The following SPADH variants were observed in gnomAD, a reference collection of about 807,000 sequenced individuals.
The protein encoded by SPADH is CUB domain-containing protein.
the SPADH span, chr10:122,672,964 G>T: frequency 2.0e-6 from 2 of 982,178 alleles, no homozygotes; most frequent in Non-Finnish European, 2.4e-6. Flanking sequence ...TCTGGGCCTC[G>T]CACTGTTTTC....
chr10:122,673,012 C>A, the SPADH span: 1 of 790,494 alleles, frequency 1.3e-6, no homozygotes, highest in Non-Finnish European at 1.5e-6. Context: ...TGCTTATTGC[C>A]AAGGAAGAAG....
At chr10:122,675,904 A>G in the SPADH span, among the ~76,000 whole-genome samples, 1 of 152,132 alleles carries the variant, frequency 6.6e-6, no homozygotes, top group Non-Finnish European at 1.5e-5. Flanking sequence ...GCCCCCCCGA[A>G]GTCTCCTCTG....
chr10:122,677,675 C>T, the SPADH span, among the ~76,000 whole-genome samples: 2 of 152,188 alleles, frequency 1.3e-5, no homozygotes, highest in Non-Finnish European at 2.9e-5. Context: ...GTGGATGAGA[C>T]AGATGGTGGA....
chr10:122,673,614 G>A, the SPADH span, among the ~76,000 whole-genome samples: 1 of 152,154 alleles, frequency 6.6e-6, no homozygotes, highest in African/African-American at 2.4e-5. Context: ...TTTCCTCAGG[G>A]AGATGTCTTC....
chr10:122,674,556 CTCT>C, the SPADH span, among the ~76,000 whole-genome samples: 2 of 152,220 alleles, frequency 1.3e-5, no homozygotes, highest in African/African-American at 4.8e-5. Context: ...TGTGGGGAGA[CTCT>C]TCTTTGCACC....
At chr10:122,678,532 T>A in the SPADH span, among the ~76,000 whole-genome samples, 1 of 152,056 alleles carries the variant, frequency 6.6e-6, no homozygotes. Context: ...ACAGCTGATG[T>A]TTTGACTAAA....
the SPADH span, among the ~76,000 whole-genome samples, chr10:122,677,326 A>G: frequency 2.0e-5 from 3 of 152,216 alleles, no homozygotes; most frequent in Non-Finnish European, 4.4e-5. Context: ...CTCAAGGACA[A>G]CAACCTCCAT....
At chr10:122,676,871 G>A in the SPADH span, 11 of 985,234 alleles carry the variant, frequency 1.1e-5, no homozygotes, top group Non-Finnish European at 1.3e-5. Flanking sequence ...AGATAGTCAC[G>A]GTGGCCATTC....
chr10:122,676,904 G>A, the SPADH span: 18 of 985,190 alleles, frequency 1.8e-5, no homozygotes, highest in Non-Finnish European at 2.0e-5. Flanking sequence ...GAGTACTGGG[G>A]TTGTGAGTTT....
the SPADH span, among the ~76,000 whole-genome samples, chr10:122,678,274 C>T: frequency 2.0e-5 from 3 of 152,110 alleles, no homozygotes; most frequent in Non-Finnish European, 4.4e-5. Context: ...CCATGTGCAG[C>T]TTGTCTCTCA....
At chr10:122,675,763 A>C in the SPADH span, 7 of 370,428 alleles carry the variant, frequency 1.9e-5, no homozygotes, top group Admixed American at 6.5e-5. Flanking sequence ...TGAGAAGGGC[A>C]CGTACCAGGG....
the SPADH span, chr10:122,678,848 G>A: frequency 1.0e-6 from 1 of 980,826 alleles, no homozygotes; most frequent in Non-Finnish European, 1.2e-6. Context: ...CTGACCCAGA[G>A]GATTCGCATG....
At chr10:122,674,175 C>G in the SPADH span, among the ~76,000 whole-genome samples, 1 of 152,212 alleles carries the variant, frequency 6.6e-6, no homozygotes, top group Non-Finnish European at 1.5e-5. Flanking sequence ...TAGGCTTGGC[C>G]AAGTCACCCA....
chr10:122,675,900 C>A, the SPADH span, among the ~76,000 whole-genome samples: 1 of 152,220 alleles, frequency 6.6e-6, no homozygotes, highest in Non-Finnish European at 1.5e-5. Flanking sequence ...CCAAGCCCCC[C>A]CGAAGTCTCC....
the SPADH span, among the ~76,000 whole-genome samples, chr10:122,673,705 C>T: frequency 6.6e-6 from 1 of 152,206 alleles, no homozygotes; most frequent in South Asian, 2.1e-4. Flanking sequence ...TCTTTCTCTC[C>T]CCTTTCCTTC....
chr10:122,678,871 C>T, the SPADH span: 62 of 984,040 alleles, frequency 6.3e-5, no homozygotes, highest in South Asian at 1.4e-4. Flanking sequence ...GCAAAGAATA[C>T]GTGGAAGTGC....
At chr10:122,676,592 A>G in the SPADH span, among the ~76,000 whole-genome samples, 1 of 152,128 alleles carries the variant, frequency 6.6e-6, no homozygotes, top group Admixed American at 6.5e-5. Flanking sequence ...CAAAAAGCCC[A>G]CCTTGTTTGT....
At chr10:122,676,704 C>A in the SPADH span, 1 of 984,902 alleles carries the variant, frequency 1.0e-6, no homozygotes, top group Non-Finnish European at 1.2e-6. Context: ...ACAAGCCAAT[C>A]CCAGACCTAG....
chr10:122,675,693 C>T, the SPADH span: 2 of 967,124 alleles, frequency 2.1e-6, no homozygotes, highest in South Asian at 4.8e-5. Context: ...AAGACTGTTA[C>T]CCTCTTTCCC....
Sources: gnomAD v4.1 joint callset for allele counts (sites outside exome capture counted in the v4.1 genomes callset) on GRCh38, gnomAD v4.1.1 for gene constraint, MANE v1.5 for transcripts, NCBI Gene and HGNC (gene_info 2026-07-23, HGNC 2026-07-21) for gene names.